Variants in BCAT1 observed in about 807,000 individuals in gnomAD.
The protein encoded by BCAT1 is branched chain amino acid transaminase 1.
A neutral mutation model predicts 52.4 loss-of-function variants in BCAT1; 48 were observed. The ratio of observed to expected loss-of-function variants is 0.92; its 90% CI spans 0.73 to 1.16. The LOEUF (loss-of-function observed/expected upper bound fraction) is 1.16. BCAT1 is among the 50% of genes most tolerant of loss of function. The pLI, the probability that BCAT1 is intolerant of heterozygous loss-of-function variation, is 0.00. For synonymous variants in BCAT1, 167 were observed against 161.3 expected (o/e 1.04, Z -0.27); for missense variants, 451 against 457.1 (o/e 0.99, Z 0.12).
At chr12:24,892,784 T>C (rs576811695) in intron 3 of BCAT1, among the ~76,000 whole-genome samples, 28 of 152,240 alleles carry the variant, frequency 1.8e-4, no homozygotes, top group African/African-American at 6.5e-4. Flanking sequence ...GCCCAGGAGT[T>C]TGAGGCTGCA....
chr12:24,863,991 C>T (rs1016354063), intron 5 of BCAT1, among the ~76,000 whole-genome samples: 14 of 151,662 alleles, frequency 9.2e-5, no homozygotes, highest in African/African-American at 1.9e-4. Context: ...AATCAGGAGT[C>T]GACAAACTTC....
In BCAT1 at chr12:24,814,036, T is replaced by C. The variant is rs1939784745; in HGVS notation, c.*3972A>G. The C allele has an allele frequency of 6.6e-6, 1 of 152,138 alleles. No homozygotes were observed. The highest frequency in any genetic ancestry group is 1.5e-5 in the Non-Finnish European group (1 of 67,990). 9.4% of individuals were successfully genotyped at this position (152,138 alleles called of 1,614,324 possible). A position where few individuals can be genotyped will look rare whatever the true frequency, so the allele number is the denominator to read the frequency against. On this transcript the variant is annotated 3_prime_UTR_variant, in exon 11 of 11. Coordinates refer to ENST00000261192, the MANE Select transcript of BCAT1 (RefSeq NM_005504.7). ...TAGGTAATGCTCATTGAAAAGCTGGTACCCTTTGCCTCCTTTTGTGGGGAG... is the reference window on the plus strand; with the variant it reads ...TAGGTAATGCTCATTGAAAAGCTGGCACCCTTTGCCTCCTTTTGTGGGGAG...
chr12:24,885,962 G>A lies in BCAT1; in HGVS notation c.280-4551C>T, dbSNP rs530687761. 2.6e-5 allele frequency among the ~76,000 whole-genome samples: 4 copies of A among 152,220 alleles called. No homozygotes were observed. In the East Asian group the frequency reaches 7.7e-4, roughly 29 times the overall value. On this transcript the variant is annotated intron_variant, in intron 3 of 10. Coordinates refer to ENST00000261192, the MANE Select transcript of BCAT1 (RefSeq NM_005504.7). ...TAAGGGCAGGAAAAGAGTCTTTAAA[G>A]ACACAACAAATTCCAAACATAAGGC...
chr12:24,877,668 A>C (rs1354707929), intron 5 of BCAT1, among the ~76,000 whole-genome samples: 1 of 152,240 alleles, frequency 6.6e-6, no homozygotes, highest in East Asian at 1.9e-4. Context: ...CATGAAAATG[A>C]AAATTAGCAG....
At chr12:24,846,237 AAT>A (rs1177884243) in intron 6 of BCAT1, among the ~76,000 whole-genome samples, 12 of 152,324 alleles carry the variant, frequency 7.9e-5, no homozygotes, top group African/African-American at 2.9e-4. Flanking sequence ...TTTAAGTTTT[AAT>A]TGATTGATTG....
At chr12:24,832,536 T>C (rs934848723) in intron 9 of BCAT1, among the ~76,000 whole-genome samples, 187 bp downstream of exon 9, 5 of 152,140 alleles carry the variant, frequency 3.3e-5, no homozygotes, top group South Asian at 2.1e-4. Flanking sequence ...CACCAGTGAA[T>C]AGCCACTGCA....
chr12:24,930,869 G>A (rs903123818), intron 1 of BCAT1, among the ~76,000 whole-genome samples: 1 of 149,280 alleles, frequency 6.7e-6, no homozygotes, highest in Non-Finnish European at 1.5e-5. Context: ...TCCATGCTCC[G>A]CACTGAAGCC....
chr12:24,941,772 C>T (rs1408528655), intron 1 of BCAT1, among the ~76,000 whole-genome samples: 2 of 152,308 alleles, frequency 1.3e-5, no homozygotes, highest in African/African-American at 2.4e-5. Context: ...TGCATACCTT[C>T]CCACCTTTCG....
chr12:24,833,989 T>A (rs1214184267), intron 8 of BCAT1: 9 of 235,486 alleles, frequency 3.8e-5, no homozygotes. Context: ...CCCAACTAGG[T>A]TTTATATTTT....
chr12:24,946,661 A>C (rs570437792), intron 1 of BCAT1, among the ~76,000 whole-genome samples: 26 of 152,266 alleles, frequency 1.7e-4, no homozygotes, highest in African/African-American at 6.0e-4. Flanking sequence ...TCACACTCCT[A>C]TCTCTCTGGG....
intron 10 of BCAT1, among the ~76,000 whole-genome samples, chr12:24,827,860 C>T (rs1254157050): frequency 2.0e-5 from 3 of 152,284 alleles, no homozygotes; most frequent in Middle Eastern, 3.4e-3. Flanking sequence ...AGAAAACTTG[C>T]TGAGTAAGTC....
chr12:24,842,698 TC>T lies in BCAT1; in HGVS notation c.675-475del, dbSNP rs1242613211. Among the ~76,000 whole-genome samples, 4 of 152,140 alleles carry T rather than the reference TC, an allele frequency of 2.6e-5. No homozygotes were observed. The South Asian group carries it at 6.2e-4, about 24-fold the overall frequency. The stretch of plus-strand genomic sequence containing the variant: ...AGAGCAGCAAGTGTGAGCGCTCTTA[TC>T]TAACACCTTTTAATGTATCCAAGGA... On this transcript the variant is annotated intron_variant, in intron 6 of 10. Transcript: ENST00000261192.
chr12:24,881,445 A>G (rs1014546974), intron 3 of BCAT1, 34 bp from the exon 4 acceptor site: 2 of 1,440,258 alleles, frequency 1.4e-6, no homozygotes, highest in Admixed American at 1.7e-5. Flanking sequence ...TTAGAGGGTA[A>G]CCAAAAGAAA....
chr12:24,933,202 C>A (rs993906058), intron 1 of BCAT1, among the ~76,000 whole-genome samples: 3 of 132,256 alleles, frequency 2.3e-5, no homozygotes, highest in Non-Finnish European at 3.1e-5. Flanking sequence ...CTTCTAACCT[C>A]AAGTAACCCT....
chr12:24,852,026 C>T (rs1000626756), intron 5 of BCAT1, among the ~76,000 whole-genome samples: 9 of 152,054 alleles, frequency 5.9e-5, no homozygotes, highest in African/African-American at 1.9e-4. Context: ...GGTGAATTTC[C>T]TCCCTGCTGT....
At chr12:24,854,240 C>T (rs577979503) in intron 5 of BCAT1, among the ~76,000 whole-genome samples, 2 of 152,320 alleles carry the variant, frequency 1.3e-5, no homozygotes, top group South Asian at 4.1e-4. Flanking sequence ...GAGAAGAGTA[C>T]TATTAGCCTA....
At chr12:24,919,503 C>A (rs1943470711) in intron 1 of BCAT1, among the ~76,000 whole-genome samples, 2 of 152,076 alleles carry the variant, frequency 1.3e-5, no homozygotes, top group South Asian at 4.1e-4. Context: ...CTTTAATGTC[C>A]CTGAACCTCG....
chr12:24,850,087 T>C, intron 5 of BCAT1, 138 bp from the exon 6 acceptor site: 1 of 818,436 alleles, frequency 1.2e-6, no homozygotes, highest in Non-Finnish European at 1.8e-6. Context: ...AAAATTGAGT[T>C]ACACAAAGCC....
At position 24,814,517 on chromosome 12, in the gene BCAT1, A is replaced by C. The variant is rs2139288511; in HGVS notation, c.*3491T>G. Reference sequence around the variant, plus strand: ...AGCTGCTTTCATAGCACAATTCCCCAAAAGCAGAACTGAAACTGTAGCTTT... The same window carrying C: ...AGCTGCTTTCATAGCACAATTCCCCCAAAGCAGAACTGAAACTGTAGCTTT... On this transcript the variant is annotated 3_prime_UTR_variant, in exon 11 of 11. Coordinates refer to ENST00000261192, the MANE Select transcript of BCAT1 (RefSeq NM_005504.7). 6.6e-6 allele frequency: 1 copy of C among 152,200 alleles called. No individual in the cohort carries two copies. The highest frequency in any genetic ancestry group is 1.5e-5 in the Non-Finnish European group (1 of 67,986). The allele number at this position is 152,200 out of a possible 1,614,324, so 9.4% of individuals were successfully genotyped here.
Sources: gnomAD v4.1 joint callset for allele counts (sites outside exome capture counted in the v4.1 genomes callset) on GRCh38, gnomAD v4.1.1 for gene constraint, MANE v1.5 for transcripts, NCBI Gene and HGNC (gene_info 2026-07-23, HGNC 2026-07-21) for gene names.